Variants in KALRN observed in about 807,000 individuals in gnomAD.
KALRN encodes the protein kalirin.
A neutral mutation model predicts 353.7 loss-of-function variants in KALRN; 70 were observed. That is an observed-to-expected ratio of 0.20 (90% CI 0.16 to 0.24). The LOEUF (loss-of-function observed/expected upper bound fraction) is 0.24, where lower values mean the gene tolerates loss of function less well. Among genes scored for constraint, KALRN ranks in the 10% least tolerant of loss-of-function variants. The pLI is 1.00. For synonymous variants in KALRN, 1,391 were observed against 1,434.8 expected, an observed-to-expected ratio of 0.97 and a Z score of 0.69; for missense variants, 2,791 against 3,756.7, an observed-to-expected ratio of 0.74 and a Z score of 6.72.
At chr3:124,277,763 CT>C (rs1028468152) in intron 5 of KALRN, among the ~76,000 whole-genome samples, 5 of 152,178 alleles carry the variant, frequency 3.3e-5, no homozygotes, top group Non-Finnish European at 7.3e-5. Flanking sequence ...TTCCACGGTT[CT>C]CTCAAGAGAG....
At chr3:124,647,961 C>T (rs1030335717) in intron 37 of KALRN, among the ~76,000 whole-genome samples, 3 of 152,208 alleles carry the variant, frequency 2.0e-5, no homozygotes, top group Non-Finnish European at 4.4e-5. Flanking sequence ...ACTATGGGAA[C>T]ATTTGTTGCT....
intron 1 of KALRN, among the ~76,000 whole-genome samples, chr3:124,078,775 A>G (rs2060388223): frequency 6.6e-6 from 1 of 152,242 alleles, no homozygotes; most frequent in Non-Finnish European, 1.5e-5. Flanking sequence ...AAGCACTTAC[A>G]GAAATACTTC....
intron 45 of KALRN, 53 bp downstream of exon 45, chr3:124,661,981 C>A: frequency 1.4e-6 from 2 of 1,435,838 alleles, no homozygotes; most frequent in South Asian, 1.1e-5. Flanking sequence ...AATAGGAGTC[C>A]AGACTGTTGC....
intron 5 of KALRN, among the ~76,000 whole-genome samples, chr3:124,276,347 C>T (rs757471260): frequency 1.3e-5 from 2 of 152,144 alleles, no homozygotes; most frequent in Non-Finnish European, 2.9e-5. Flanking sequence ...CAGGATGCCC[C>T]GTCACTGGGC....
At chr3:124,607,115 G>T (rs963447020) in intron 34 of KALRN, among the ~76,000 whole-genome samples, 1 of 152,200 alleles carries the variant, frequency 6.6e-6, no homozygotes, top group African/African-American at 2.4e-5. Context: ...GATTTCAAGT[G>T]ATAATTTTTG....
Position 124,461,965 on chromosome 3 carries a change from TC to T in KALRN, c.3921+11del, listed in dbSNP as rs764100278. 1.2e-6 allele frequency: 2 copies of T among 1,600,810 alleles called. No individual in the cohort carries two copies. The highest frequency in any genetic ancestry group is 1.7e-6 in the Non-Finnish European group (2 of 1,168,156). ...TGCATGAGTGCTTAGAGGTGAGTCTTCCAGTAATCCGTTCACAGCTATATTG... is the reference window on the plus strand; with the variant it reads ...TGCATGAGTGCTTAGAGGTGAGTCTTCAGTAATCCGTTCACAGCTATATTG... On this transcript the variant is annotated intron_variant, in intron 24 of 59. Coordinates refer to ENST00000682506, the MANE Select transcript of KALRN (RefSeq NM_001388419.1).
At chr3:124,200,234 C>T (rs1040960942) in intron 1 of KALRN, among the ~76,000 whole-genome samples, 2 of 152,238 alleles carry the variant, frequency 1.3e-5, no homozygotes, top group Non-Finnish European at 2.9e-5. Context: ...TTCTGAGCCT[C>T]TCCCTCAACT....
chr3:124,593,053 G>C (rs926756693), intron 34 of KALRN, among the ~76,000 whole-genome samples: 3 of 152,198 alleles, frequency 2.0e-5, no homozygotes, highest in African/African-American at 7.2e-5. Context: ...CGCAGGATTA[G>C]TTGTGGGCTT....
intron 36 of KALRN, among the ~76,000 whole-genome samples, chr3:124,635,719 C>T (rs1286074164): frequency 6.6e-6 from 1 of 151,960 alleles, no homozygotes; most frequent in South Asian, 2.1e-4. Context: ...TATGTGTGTA[C>T]GTTTTACTTT....
intron 48 of KALRN, among the ~76,000 whole-genome samples, chr3:124,672,781 T>C: frequency 6.6e-6 from 1 of 152,202 alleles, no homozygotes; most frequent in East Asian, 1.9e-4. Flanking sequence ...TTCCCAGTTC[T>C]GCAACTCACT....
chr3:124,292,232 G>T (rs1012360578), intron 5 of KALRN, among the ~76,000 whole-genome samples: 8 of 152,118 alleles, frequency 5.3e-5, no homozygotes, highest in Non-Finnish European at 7.4e-5. Flanking sequence ...TACTCTCTAG[G>T]ACCTCTCTGC....
chr3:124,183,338 T>C (rs2073852347), intron 1 of KALRN, among the ~76,000 whole-genome samples: 1 of 152,136 alleles, frequency 6.6e-6, no homozygotes, highest in Non-Finnish European at 1.5e-5. Context: ...CTCAGGAAGC[T>C]TCCAATCATG....
In KALRN at chr3:124,421,293, G is replaced by A. The variant is rs2092769299; in HGVS notation, c.2543-1519G>A. Among the ~76,000 whole-genome samples the A allele has an allele frequency of 3.3e-5, 5 of 152,314 alleles. No individual in the cohort carries two copies. The South Asian group carries it at 1.0e-3, about 32-fold the overall frequency. ...CAAGAAACAACATGTGTCACAACTT[G>A]CAACAAGTCGGAGACAGTTAGAAAC... On this transcript the variant is annotated intron_variant, in intron 14 of 59. Transcript: ENST00000682506.
chr3:124,667,058 A>G lies in KALRN; in HGVS notation c.6578A>G (p.Lys2193Arg). 1.9e-6 allele frequency: 3 copies of G among 1,614,152 alleles called. No homozygotes were observed. Among genetic ancestry groups the G allele is most frequent in the Non-Finnish European group, 2.5e-6 (3 of 1,179,964 alleles). ...GAGAATGTGGACAATGATCCCTGCA[A>G]GTTTGCACTCATGAACAGAGAGACT... ...LEENVDNDPCKFALMNRETSE... is the reference protein window; with the variant it reads ...LEENVDNDPCRFALMNRETSE... The change falls in exon 47 of 60, where the codon AAG (lysine) becomes AGG (arginine). Residue 2193 changes from lysine to arginine, a missense_variant. Lys to Arg is a conservative substitution (Grantham distance 26). Transcript: ENST00000682506.
At position 124,562,824 on chromosome 3, in the gene KALRN, C is replaced by T. The variant is rs533815317; in HGVS notation, c.4936-19C>T. 73 of 1,344,342 alleles carry T rather than the reference C, an allele frequency of 5.4e-5. 1 individual carries two copies. In the South Asian group the frequency reaches 7.6e-4, roughly 14 times the overall value. 83.3% of individuals were successfully genotyped at this position (1,344,342 alleles called of 1,614,324 possible). A position where few individuals can be genotyped will look rare whatever the true frequency, so the allele number is the denominator to read the frequency against. On this transcript the variant is annotated intron_variant, in intron 33 of 59. Transcript: ENST00000682506. ...TCCATGCCCTCCTGTTCTACTCCCTCCACCACCACCCTCCAAAGCTCTCTG... is the reference window on the plus strand; with the variant it reads ...TCCATGCCCTCCTGTTCTACTCCCTTCACCACCACCCTCCAAAGCTCTCTG...
rs1189253488 is a variant in KALRN, at chr3:124,699,991, C to T, written c.7954C>T (p.Leu2652Phe). Reference sequence around the variant, plus strand: ...TGCCAGTAACCCCTGGGGAATCAGCCTTCCCAGCGAGCCCTCGGAGTTTGT... The same window carrying T: ...TGCCAGTAACCCCTGGGGAATCAGCTTTCCCAGCGAGCCCTCGGAGTTTGT... ...VSASNPWGISLPSEPSEFVRL... is the reference protein window; with the variant it reads ...VSASNPWGISFPSEPSEFVRL... Residue 2652 changes from leucine (L) to phenylalanine (F), a missense_variant, in exon 56 of 60, where the codon CTT becomes TTT. This residue lies in a region of KALRN where 188 missense variants were observed against 402.9 expected (regional missense o/e 0.47). Coordinates refer to ENST00000682506, the MANE Select transcript of KALRN (RefSeq NM_001388419.1). The T allele has an allele frequency of 2.5e-6, 4 of 1,613,974 alleles. No individual in the cohort carries two copies. Among genetic ancestry groups the T allele is most frequent in the South Asian group, 2.2e-5 (2 of 91,078 alleles).
intron 34 of KALRN, among the ~76,000 whole-genome samples, chr3:124,585,763 G>A (rs1343942600): frequency 6.6e-6 from 1 of 152,206 alleles, no homozygotes; most frequent in East Asian, 1.9e-4. Flanking sequence ...GTAGAAATGA[G>A]AATGTAGCCC....
intron 56 of KALRN, among the ~76,000 whole-genome samples, chr3:124,700,298 G>A (rs1294865437): frequency 2.0e-5 from 3 of 152,182 alleles, no homozygotes; most frequent in Non-Finnish European, 1.5e-5. Context: ...GGAGTCATGA[G>A]TCCTGTGGAT....
At chr3:124,377,608 C>T (rs1197419384) in intron 10 of KALRN, among the ~76,000 whole-genome samples, 1 of 152,090 alleles carries the variant, frequency 6.6e-6, no homozygotes, top group Non-Finnish European at 1.5e-5. Flanking sequence ...AATTTCCTGT[C>T]TACTTGTTCT....
Sources: gnomAD v4.1 joint callset for allele counts (sites outside exome capture counted in the v4.1 genomes callset) on GRCh38, gnomAD v4.1.1 for gene constraint, gnomAD v4.1.1 regional missense constraint, MANE v1.5 for transcripts, NCBI Gene and HGNC (gene_info 2026-07-23, HGNC 2026-07-21) for gene names.